Variants in FCER2 observed in about 807,000 individuals in gnomAD.
FCER2 encodes the protein Fc epsilon receptor II, also known as low affinity immunoglobulin epsilon Fc receptor.
FCER2 carries 38 observed loss-of-function variants against 49.7 expected under a neutral mutation model. The ratio of observed to expected loss-of-function variants is 0.76; its 90% CI spans 0.59 to 1.00. FCER2 has a LOEUF of 1.00. Among genes scored for constraint, FCER2 ranks in the 50% least tolerant of loss-of-function variants. The pLI is 0.00. For missense variants in FCER2, 425 were observed against 419.5 expected (o/e 1.01, Z -0.11); for synonymous variants, 163 against 164.6 (o/e 0.99, Z 0.07).
Position 7,690,361 on chromosome 19 carries a change from C to CA in FCER2, c.621+44dup, listed in dbSNP as rs773302708. 20 of 1,608,118 alleles carry CA rather than the reference C, an allele frequency of 1.2e-5. 2 individuals carry two copies. In the South Asian group the frequency reaches 1.4e-4, roughly 11 times the overall value. The stretch of plus-strand genomic sequence containing the variant: ...GGGTAGAGTGGGGTGGGGGTCCCCC[C>CA]ACCCTCGCCATGCTGCCCACCACCT... On this transcript the variant is annotated intron_variant, in intron 9 of 10. Transcript: ENST00000597921.
chr19:7,692,115 A>G (rs371604547), intron 8 of FCER2, among the ~76,000 whole-genome samples: 3 of 115,776 alleles, frequency 2.6e-5, no homozygotes, highest in African/African-American at 7.7e-5. Context: ...CATTGTCATG[A>G]ACACATTCAC....
At chr19:7,697,354 T>G (rs2033043789) in intron 5 of FCER2, 56 bp from the exon 6 acceptor site, 1 of 1,570,024 alleles carries the variant, frequency 6.4e-7, no homozygotes, top group Non-Finnish European at 8.8e-7. Context: ...CTCCCCCATC[T>G]ACCCCCACCC....
rs369367063 is a variant in FCER2, at chr19:7,698,758, G to A, written c.119C>T (p.Thr40Ile). 1.4e-5 allele frequency: 22 copies of A among 1,612,948 alleles called. No homozygotes were observed. Among genetic ancestry groups the A allele is most frequent in the Non-Finnish European group, 1.9e-5 (22 of 1,179,652 alleles). ...GTCCTCACGCCACAGGAGAAGCAGA[G>A]TCAGCAGCCCAGCCCACAGAGCGGC... ...VTAALWAGLL[T>I]LLLLWHWDTT... The change falls in exon 3 of 11, where the codon ACT becomes ATT. Residue 40 changes from threonine to isoleucine, a missense_variant. Thr to Ile is a moderately conservative substitution (Grantham distance 89). Coordinates refer to ENST00000597921, the MANE Select transcript of FCER2 (RefSeq NM_001220500.2).
chr19:7,696,645 C>T (rs1023257665), intron 8 of FCER2, 180 bp downstream of exon 8: 15 of 605,868 alleles, frequency 2.5e-5, no homozygotes, highest in Admixed American at 1.8e-4. Flanking sequence ...ACCTCTGCCT[C>T]GCATCCAAGC....
intron 8 of FCER2, among the ~76,000 whole-genome samples, chr19:7,695,527 G>C (rs1042479400): frequency 6.6e-6 from 1 of 152,178 alleles, no homozygotes; most frequent in African/African-American, 2.4e-5. Context: ...TGTAATCTCA[G>C]CATTTTGGGA....
chr19:7,701,689 A>T (rs1339932990), intron 1 of FCER2, among the ~76,000 whole-genome samples: 1 of 152,086 alleles, frequency 6.6e-6, no homozygotes, highest in Non-Finnish European at 1.5e-5. Context: ...TCCCAACTCC[A>T]GGCCGTCCTT....
intron 3 of FCER2, 119 bp downstream of exon 3, chr19:7,698,622 G>GA: frequency 7.1e-7 from 1 of 1,405,442 alleles, no homozygotes; most frequent in Non-Finnish European, 9.7e-7. Context: ...GGCAGGATGG[G>GA]AAAATTGGGT....
intron 8 of FCER2, 77 bp from the exon 9 acceptor site, chr19:7,690,634 C>T (rs2032842375): frequency 2.7e-6 from 4 of 1,460,960 alleles, no homozygotes; most frequent in Non-Finnish European, 3.7e-6. Flanking sequence ...GTGGCAGCAC[C>T]CCTCCTAGGG....
At chr19:7,692,447 C>T (rs1027972158) in intron 8 of FCER2, among the ~76,000 whole-genome samples, 1 of 151,732 alleles carries the variant, frequency 6.6e-6, no homozygotes, top group Non-Finnish European at 1.5e-5. Context: ...ACACCAGCGC[C>T]ACGAACACAT....
intron 3 of FCER2, 87 bp downstream of exon 3, chr19:7,698,654 C>T (rs1222474821): frequency 5.8e-6 from 9 of 1,538,606 alleles, no homozygotes; most frequent in Non-Finnish European, 7.9e-6. Context: ...GCGTTGGGCT[C>T]CCCCAGCTCT....
Position 7,696,487 on chromosome 19 carries a change from C to T in FCER2, c.469+338G>A, listed in dbSNP as rs555677397. On this transcript the variant is annotated intron_variant, in intron 8 of 10. Transcript: ENST00000597921. ...CTGACCTCAGGTGATCCACCCGCCT[C>T]GGCCTCTCAAAGTGCTGGGATTACA... is the stretch of plus-strand genomic sequence containing the variant. 9.2e-5 allele frequency among the ~76,000 whole-genome samples: 14 copies of T among 152,270 alleles called. 1 individual carries two copies. In the South Asian group the frequency reaches 2.3e-3, roughly 25 times the overall value.
At chr19:7,701,831 C>G (rs940251942) in intron 1 of FCER2, among the ~76,000 whole-genome samples, 184 bp downstream of exon 1, 1 of 152,066 alleles carries the variant, frequency 6.6e-6, no homozygotes, top group Non-Finnish European at 1.5e-5. Flanking sequence ...ATCAGGGACT[C>G]GAATGCCTCG....
intron 8 of FCER2, among the ~76,000 whole-genome samples, chr19:7,692,629 C>T (rs77086888): frequency 0.33 from 50,146 of 151,128 alleles, 9,248 homozygotes; most frequent in African/African-American, 0.47. Flanking sequence ...CAGTCACTAA[C>T]ACCATCGCCA....
intron 2 of FCER2, chr19:7,699,437 CCT>C: frequency 1.4e-6 from 2 of 1,459,146 alleles, no homozygotes; most frequent in Non-Finnish European, 1.8e-6. Context: ...TTCTATTTGG[CCT>C]CTGACTCTAT....
chr19:7,701,024 G>A (rs1430390204), intron 1 of FCER2, among the ~76,000 whole-genome samples: 22 of 150,852 alleles, frequency 1.5e-4, no homozygotes, highest in African/African-American at 4.9e-4. Context: ...TGATCAGGCT[G>A]GTCTCGAACT....
intron 6 of FCER2, 23 bp from the exon 7 acceptor site, chr19:7,697,098 G>A (rs1284017370): frequency 1.9e-6 from 3 of 1,613,448 alleles, no homozygotes; most frequent in Non-Finnish European, 8.5e-7. Flanking sequence ...GGAGCGCAGG[G>A]CTGGTCTCAG....
intron 2 of FCER2, 167 bp downstream of exon 2, chr19:7,699,572 C>G (rs1046570973): frequency 2.5e-6 from 3 of 1,192,724 alleles, no homozygotes; most frequent in Middle Eastern, 2.4e-4. Context: ...TGGCTCTGTG[C>G]CAGGAAAGTC....
intron 8 of FCER2, among the ~76,000 whole-genome samples, chr19:7,693,308 C>T (rs17159840): frequency 0.27 from 40,590 of 151,826 alleles, 6,143 homozygotes; most frequent in African/African-American, 0.41. Context: ...TCAGGAGAGC[C>T]AATGGGATTG....
rs558068649 is a variant in FCER2 at position 7,697,421 on chromosome 19, G to A, written c.253+106C>T. 115 of 1,448,694 alleles carry A rather than the reference G, an allele frequency of 7.9e-5. 1 individual carries two copies. The East Asian group carries it at 1.4e-3, about 18-fold the overall frequency. The allele number at this position is 1,448,694 out of a possible 1,614,324, so 89.7% of individuals were successfully genotyped here. A position where few individuals can be genotyped will look rare whatever the true frequency, so the allele number is the denominator to read the frequency against. On this transcript the variant is annotated intron_variant, in intron 5 of 10. Transcript: ENST00000597921. ...ACCACCTGCTCAGTTTGCAGTTCCC[G>A]GGTGTCGGGGGTGGGGCACAGTGAG...
Sources: gnomAD v4.1 joint callset for allele counts (sites outside exome capture counted in the v4.1 genomes callset) on GRCh38, gnomAD v4.1.1 for gene constraint, MANE v1.5 for transcripts, NCBI Gene and HGNC (gene_info 2026-07-23, HGNC 2026-07-21) for gene names.